NMD3: variants seen among roughly 807,000 people sequenced by gnomAD.
NMD3 encodes the protein NMD3 ribosome export adaptor.
Under a neutral mutation model 73.1 loss-of-function variants are expected in NMD3, and 47 were observed. The observed-to-expected ratio is 0.64, with a 90% confidence interval of 0.51 to 0.82. The LOEUF (loss-of-function observed/expected upper bound fraction) is 0.82. NMD3 is among the 40% of genes least tolerant of loss of function. The probability of loss-of-function intolerance (pLI) is 0.00; values close to 1 mark genes in which losing one functional copy is unlikely to be tolerated. For missense variants in NMD3, 554 were observed against 612.5 expected (o/e 0.90, Z 1.01); for synonymous variants, 210 against 194.5 (o/e 1.08, Z -0.66).
chr3:161,252,916 T>A, downstream of NMD3: 1 of 589,762 alleles, frequency 1.7e-6, no homozygotes, highest in Non-Finnish European at 3.0e-6. Flanking sequence ...CTGGCCAACA[T>A]AGTGAAACCC....
chr3:161,248,371 T>C (rs1323119029), intron 13 of NMD3, among the ~76,000 whole-genome samples: 1 of 151,972 alleles, frequency 6.6e-6, no homozygotes, highest in Non-Finnish European at 1.5e-5. Flanking sequence ...GCACCTGTAG[T>C]CCCAGCTACT....
rs1301409993 is a variant in NMD3 at position 161,234,738 on chromosome 3, T to TG, written c.370dup (p.Ala124GlyfsTer23). 3.1e-6 allele frequency: 5 copies of TG among 1,612,078 alleles called. No individual in the cohort carries two copies. Among genetic ancestry groups the TG allele is most frequent in the Non-Finnish European group, 4.2e-6 (5 of 1,178,992 alleles). ...AATTGTTTTATCAGGTGATGAATGGTGCTATCCTTCAACAAGTGTTTGTGG... is the reference window on the plus strand; with the variant it reads ...AATTGTTTTATCAGGTGATGAATGGTGGCTATCCTTCAACAAGTGTTTGTGG... On this transcript the variant is annotated frameshift_variant, in exon 6 of 16. Transcript: ENST00000351193. LOFTEE classifies it high-confidence loss of function.
chr3:161,221,954 T>TCCCAACAC, intron 1 of NMD3, 40 bp from the exon 2 acceptor site: 1 of 1,154,468 alleles, frequency 8.7e-7, no homozygotes, highest in Non-Finnish European at 1.2e-6. Context: ...AATCCCAACA[T>TCCCAACAC]TCTCTTTTTT....
intron 7 of NMD3, 37 bp downstream of exon 7, chr3:161,235,249 G>T: frequency 2.0e-6 from 2 of 978,290 alleles, no homozygotes; most frequent in Non-Finnish European, 1.5e-6. Flanking sequence ...AATTATGTCA[G>T]ATTTTTATTT....
chr3:161,246,559 G>A, intron 12 of NMD3, 111 bp downstream of exon 12: 2 of 449,856 alleles, frequency 4.4e-6, no homozygotes, highest in South Asian at 6.0e-5. Flanking sequence ...AGATCGAAGG[G>A]TTCTTAGGAG....
At chr3:161,253,261 C>T (rs562164665), downstream of NMD3, 1 of 152,290 alleles carries the variant, frequency 6.6e-6, no homozygotes, top group Non-Finnish European at 1.5e-5. Context: ...GTACTTAGTA[C>T]CAGAGTTTTC....
In NMD3 at chr3:161,250,800, A is replaced by T; in HGVS notation, c.1402A>T (p.Ser468Cys). 1.2e-6 allele frequency: 2 copies of T among 1,610,376 alleles called. No homozygotes were observed. Among genetic ancestry groups the T allele is most frequent in the East Asian group, 4.5e-5 (2 of 44,828 alleles). The change falls in exon 16 of 16, where the codon AGT (serine) becomes TGT (cysteine). Residue 468 changes from serine to cysteine, a missense_variant. Transcript: ENST00000351193. ...TTTAGATTCAGCCATCCCTGTGGAA[A>T]GTGACACCGATGATGAAGGAGCACC... ...IYRDSAIPVE[S>C]DTDDEGAPRI...
rs999931423 is a variant in NMD3 at position 161,222,057 on chromosome 3, T to C, written c.44T>C (p.Ile15Thr). The C allele has an allele frequency of 6.3e-7, 1 of 1,596,510 alleles. No individual in the cohort carries two copies. The highest frequency in any genetic ancestry group is 8.5e-7 in the Non-Finnish European group (1 of 1,171,186). The change falls in exon 2 of 16, where the codon ATC becomes ACC. Residue 15 changes from isoleucine to threonine, a missense_variant and splice_region_variant. Physicochemically the swap from Ile to Thr is moderately conservative, Grantham distance 89. Coordinates refer to ENST00000351193, the MANE Select transcript of NMD3 (RefSeq NM_015938.5). ...AESTDRSPGHILCCECGVPIS... is the reference protein window; with the variant it reads ...AESTDRSPGHTLCCECGVPIS... Reference sequence around the variant, plus strand: ...TCCACCGACCGCAGCCCTGGACACATGTGAGTGCGACACTTCTTCCTTCCC... The same window carrying C: ...TCCACCGACCGCAGCCCTGGACACACGTGAGTGCGACACTTCTTCCTTCCC...
intron 9 of NMD3, among the ~76,000 whole-genome samples, chr3:161,240,821 A>G (rs1379972595): frequency 6.7e-6 from 1 of 148,920 alleles, no homozygotes; most frequent in Non-Finnish European, 1.5e-5. Context: ...GGAGTGAGCC[A>G]GCGTGCTCAG....
At chr3:161,236,959 G>C (rs1736780643) in intron 7 of NMD3, among the ~76,000 whole-genome samples, 1 of 152,096 alleles carries the variant, frequency 6.6e-6, no homozygotes, top group African/African-American at 2.4e-5. Context: ...ACTTACTAAA[G>C]TTAGTGAGTT....
chr3:161,242,731 T>A (rs1000977981), intron 11 of NMD3, 78 bp downstream of exon 11: 1 of 1,412,748 alleles, frequency 7.1e-7, no homozygotes, highest in Non-Finnish European at 9.6e-7. Flanking sequence ...TTAAAAAAAA[T>A]TTGTTGGTGT....
In NMD3 at chr3:161,249,797, C is replaced by T. The variant is rs1259995893; in HGVS notation, c.1310+237C>T. On this transcript the variant is annotated intron_variant, in intron 14 of 15. Coordinates refer to ENST00000351193, the MANE Select transcript of NMD3 (RefSeq NM_015938.5). ...AATTGTAGTGTTAATGTAAACAATTCATTTGAAAAGTTAAAATATAATCAT... is the reference window on the plus strand; with the variant it reads ...AATTGTAGTGTTAATGTAAACAATTTATTTGAAAAGTTAAAATATAATCAT... 4 of 512,340 alleles carry T rather than the reference C, an allele frequency of 7.8e-6. No individual in the cohort carries two copies. The East Asian group carries it at 1.4e-4, about 18-fold the overall frequency. The allele number at this position is 512,340 out of a possible 1,614,324, so 31.7% of individuals were successfully genotyped here.
chr3:161,233,834 C>G (rs562463743), intron 5 of NMD3, among the ~76,000 whole-genome samples: 7 of 152,234 alleles, frequency 4.6e-5, no homozygotes, highest in African/African-American at 1.4e-4. Flanking sequence ...GGTTGAGTAT[C>G]CCTTATCTGA....
chr3:161,249,309 T>C (rs763346874), intron 13 of NMD3, 145 bp from the exon 14 acceptor site: 2 of 499,168 alleles, frequency 4.0e-6, no homozygotes, highest in African/African-American at 2.0e-5. Flanking sequence ...TTAAAAGTCC[T>C]CTTGACACTG....
At position 161,221,985 on chromosome 3, in the gene NMD3, T is replaced by TAAAAA; in HGVS notation, c.-20-9_-20-8insAAAAA. ...TTTTTTTTTTTTTTTTTTTTTTTTT[T>TAAAAA]TTTAAAAGAACTTAAGGCATACAGA... On this transcript the variant is annotated splice_polypyrimidine_tract_variant and intron_variant, in intron 1 of 15. Transcript: ENST00000351193. 1 of 1,325,868 alleles carries TAAAAA rather than the reference T, an allele frequency of 7.5e-7. No individual in the cohort carries two copies. The highest frequency in any genetic ancestry group is 1.0e-6 in the Non-Finnish European group (1 of 981,638). 82.1% of individuals were successfully genotyped at this position (1,325,868 alleles called of 1,614,324 possible).
chr3:161,224,825 G>C (rs1422265365), intron 2 of NMD3, 105 bp from the exon 3 acceptor site: 10 of 1,131,422 alleles, frequency 8.8e-6, no homozygotes, highest in Non-Finnish European at 1.1e-5. Context: ...AAAGGGCAAA[G>C]ATGCTGTGGC....
chr3:161,238,941 AG>A (rs1736870345), intron 9 of NMD3, 115 bp downstream of exon 9: 3 of 546,854 alleles, frequency 5.5e-6, no homozygotes, highest in African/African-American at 4.0e-5. Context: ...ATTTAGAATA[AG>A]TTCCTTAAGT....
chr3:161,233,451 T>G lies in NMD3; in HGVS notation c.329T>G (p.Leu110Arg), dbSNP rs747543743. Reference protein sequence around the residue: ...FVWTEPHSKRLKVKLTIQKEV... With the variant: ...FVWTEPHSKRRKVKLTIQKEV... ...TGGACTGAGCCTCATTCTAAGAGAC[T>G]TAAAGTTAAACTGACTATTCAGAAA... is the stretch of plus-strand genomic sequence containing the variant. The change falls in exon 5 of 16, where the codon CTT becomes CGT. Residue 110 changes from leucine (L) to arginine (R), a missense_variant. Leu to Arg is a moderately radical substitution (Grantham distance 102, BLOSUM62 -2). Transcript: ENST00000351193. 1.9e-6 allele frequency: 3 copies of G among 1,608,592 alleles called. No homozygotes were observed. Among genetic ancestry groups the G allele is most frequent in the Non-Finnish European group, 2.5e-6 (3 of 1,176,606 alleles).
chr3:161,247,859 C>A (rs918531223), intron 13 of NMD3, among the ~76,000 whole-genome samples: 3 of 151,904 alleles, frequency 2.0e-5, no homozygotes, highest in Admixed American at 6.6e-5. Flanking sequence ...TGATCACTCA[C>A]TGCAGCTCAA....
Sources: allele counts gnomAD v4.1 joint callset (sites outside exome capture counted in the v4.1 genomes callset), GRCh38; gene constraint gnomAD v4.1.1; transcripts MANE v1.5; gene names NCBI Gene and HGNC (gene_info 2026-07-23, HGNC 2026-07-21).